Variants in ARHGAP4 observed in about 807,000 individuals in gnomAD.
The protein encoded by ARHGAP4 is rho GTPase-activating protein 4.
In ARHGAP4, 25 loss-of-function variants were observed where a neutral mutation model predicts 67.6. The observed-to-expected ratio is 0.37, with a 90% CI of 0.27 to 0.52. The LOEUF (loss-of-function observed/expected upper bound fraction) is 0.52, where lower values mean the gene tolerates loss of function less well. Ranked by LOEUF, ARHGAP4 falls within the 20% of genes least tolerant of loss-of-function variation. The pLI is 0.92. For synonymous variants in ARHGAP4, 448 were observed against 373.7 expected (o/e 1.20, Z -2.29); for missense variants, 804 against 854.6 (o/e 0.94, Z 0.74).
intron 1 of ARHGAP4, among the ~76,000 whole-genome samples, chrX:153,925,052 C>G (rs1399384270): frequency 9.0e-6 from 1 of 111,534 alleles, no homozygotes; most frequent in Non-Finnish European, 1.9e-5. Context: ...TATTTGCTGA[C>G]TGAAGTTTTC....
intron 7 of ARHGAP4, among the ~76,000 whole-genome samples, chrX:153,916,395 C>T (rs782016680): frequency 2.2e-4 from 25 of 113,313 alleles, no homozygotes; most frequent in African/African-American, 6.1e-4. Context: ...AGGCTCCCCA[C>T]GGAGCAGGGC....
At position 153,909,916 on chromosome X, in the gene ARHGAP4, C is replaced by T. The variant is rs1557102464; in HGVS notation, c.2239G>A (p.Gly747Arg). The T allele has an allele frequency of 4.1e-6, 5 of 1,207,067 alleles. No individual in the cohort carries two copies. The highest frequency in any genetic ancestry group is 4.5e-6 in the Non-Finnish European group (4 of 893,460). ...AAGCAGGCCACAGCCTCCACGACCC[C>T]CTCCAGGTCTGGGGAGGAGAGGGGG... is the stretch of plus-strand genomic sequence containing the variant. ...EMPAQEDDLE[G>R]VVEAVACFAY... Residue 747 changes from glycine (G) to arginine (R), a missense_variant, in exon 19 of 22, where the codon GGG (glycine) becomes AGG (arginine). Physicochemically the swap from Gly to Arg is moderately radical, Grantham distance 125. Transcript: ENST00000350060.
In ARHGAP4 at chrX:153,918,821, G is replaced by T. The variant is rs782112302; in HGVS notation, c.1032+11C>A. ...CAGAGAATGCCAAGCCCAGCAGGGG[G>T]TGACCCTCACCTCATCCCCATCATG... On this transcript the variant is annotated intron_variant, in intron 7 of 21. Coordinates refer to ENST00000350060, the MANE Select transcript of ARHGAP4 (RefSeq NM_001666.5). 2 of 1,207,034 alleles carry T rather than the reference G, an allele frequency of 1.7e-6. No individual in the cohort carries two copies. Among genetic ancestry groups the T allele is most frequent in the South Asian group, 3.5e-5 (2 of 56,827 alleles).
intron 12 of ARHGAP4, 46 bp from the exon 13 acceptor site, chrX:153,911,235 G>GAGCTC: frequency 1.6e-6 from 1 of 630,907 alleles, no homozygotes; most frequent in Non-Finnish European, 2.4e-6. Context: ...AGCATGCCCT[G>GAGCTC]TGTTGTCATT....
intron 21 of ARHGAP4, among the ~76,000 whole-genome samples, chrX:153,908,752 G>A (rs922584855): frequency 1.8e-5 from 2 of 112,016 alleles, no homozygotes; most frequent in South Asian, 7.4e-4. Flanking sequence ...CCTCTACCAG[G>A]TAAACAGCCT....
At chrX:153,919,310 G>C (rs1193172413) in intron 5 of ARHGAP4, 27 bp from the exon 6 acceptor site, 4 of 1,210,682 alleles carry the variant, frequency 3.3e-6, no homozygotes, top group Admixed American at 2.2e-5. Context: ...AAGCGTGCCA[G>C]GGTCACGCAC....
rs1557106251 is a variant in ARHGAP4, at chrX:153,926,143, T to C, written c.60A>G (p.Gln20=). ...CGCCCGGCGCCCTCTCACCTTTGAC[T>C]TGCGTCTCATACTCAGCCTGCAGCC... is the stretch of plus-strand genomic sequence containing the variant. ...ERGLQAEYET[Q]VKEMRWQLSE... is the part of the protein sequence containing the mutation. Residue 20 remains glutamine, a synonymous_variant, in exon 1 of 22, where the codon CAA becomes CAG. Coordinates refer to ENST00000350060, the MANE Select transcript of ARHGAP4 (RefSeq NM_001666.5). 8.3e-7 allele frequency: 1 copy of C among 1,203,566 alleles called. No individual in the cohort carries two copies. Among genetic ancestry groups the C allele is most frequent in the East Asian group, 3.0e-5 (1 of 33,231 alleles).
intron 7 of ARHGAP4, among the ~76,000 whole-genome samples, chrX:153,917,521 C>T (rs782045713): frequency 2.4e-4 from 27 of 112,000 alleles, no homozygotes; most frequent in African/African-American, 6.8e-4. Context: ...TTTGGGAGGC[C>T]GAGGCAGGCC....
At chrX:153,909,040 G>A in intron 21 of ARHGAP4, 30 bp downstream of exon 21, 1 of 1,185,677 alleles carries the variant, frequency 8.4e-7, no homozygotes, top group South Asian at 1.8e-5. Flanking sequence ...CAGGACAGAT[G>A]TCCCTCACCT....
chrX:153,911,844 A>G (rs2065023116), intron 12 of ARHGAP4, among the ~76,000 whole-genome samples: 1 of 110,550 alleles, frequency 9.0e-6, no homozygotes. Flanking sequence ...TGGGAGGTGA[A>G]GGTTGCAGGG....
At position 153,916,943 on chromosome X, in the gene ARHGAP4, C is replaced by T. The variant is rs2065059642; in HGVS notation, c.1032+1889G>A. Among the ~76,000 whole-genome samples, 4 of 110,921 alleles carry T rather than the reference C, an allele frequency of 3.6e-5. 1 individual carries two copies. In the South Asian group the frequency reaches 1.1e-3, roughly 31 times the overall value. On this transcript the variant is annotated intron_variant, in intron 7 of 21. Coordinates refer to ENST00000350060, the MANE Select transcript of ARHGAP4 (RefSeq NM_001666.5). ...AAAATAAAAATAAAAGGGTCGGGCA[C>T]GGTGGCCCACACCTGTAATCCCAGC...
Position 153,913,042 on chromosome X carries a change from T to C in ARHGAP4, c.1421A>G (p.Glu474Gly). The change falls in exon 11 of 22, where the codon GAG (glutamate) becomes GGG (glycine). Residue 474 changes from glutamate to glycine, a missense_variant. This residue lies in a region of ARHGAP4 where 404 missense variants were observed against 505.9 expected (regional missense o/e 0.80). Transcript: ENST00000350060. ...LQEALQRGDKEEQEVSWTQYT... is the reference protein window; with the variant it reads ...LQEALQRGDKGEQEVSWTQYT... ...GACTCACCAAGACACCTCCTGCTCCTCCTTGTCACCTGTGGGGTGGGAGAA... is the reference window on the plus strand; with the variant it reads ...GACTCACCAAGACACCTCCTGCTCCCCCTTGTCACCTGTGGGGTGGGAGAA... 8.4e-7 allele frequency: 1 copy of C among 1,193,692 alleles called. No homozygotes were observed. The highest frequency in any genetic ancestry group is 1.7e-5 in the African/African-American group (1 of 57,465).
intron 5 of ARHGAP4, among the ~76,000 whole-genome samples, chrX:153,920,248 G>A (rs2065083627): frequency 8.9e-6 from 1 of 112,590 alleles, no homozygotes; most frequent in East Asian, 2.8e-4. Flanking sequence ...CTCCATCCAG[G>A]CATTTCCCAG....
Position 153,920,688 on chromosome X carries a change from CACCAGCGGT to C in ARHGAP4, c.610_618del (p.Thr204_Gly206del). The C allele has an allele frequency of 8.3e-7, 1 of 1,211,787 alleles. No individual in the cohort carries two copies. The highest frequency in any genetic ancestry group is 1.1e-6 in the Non-Finnish European group (1 of 895,520). ...TTGCGGAGGGGCCCTGCCTCAGTGG[CACCAGCGGT>C]GGTGGTGGGGACACTCCGGCCTGCC... On this transcript the variant is annotated inframe_deletion, in exon 5 of 22. Transcript: ENST00000350060.
intron 12 of ARHGAP4, 66 bp from the exon 13 acceptor site, chrX:153,911,255 T>C (rs1557103245): frequency 8.3e-6 from 3 of 362,065 alleles, no homozygotes; most frequent in African/African-American, 6.4e-5. Context: ...TCAATTGCTT[T>C]TTTTTTTTTT....
chrX:153,909,651 A>G (rs2065001708), intron 19 of ARHGAP4, 90 bp downstream of exon 19: 1 of 1,063,815 alleles, frequency 9.4e-7, no homozygotes, highest in Non-Finnish European at 1.2e-6. Flanking sequence ...GGCCCAGCCC[A>G]GACCTTCAGA....
In ARHGAP4 at chrX:153,910,114, G is replaced by A. The variant is rs781838765; in HGVS notation, c.2157-29C>T. The stretch of plus-strand genomic sequence containing the variant: ...AGGTTCAGGGCAGAGCGAGGCAGAT[G>A]AGGGGGGCTCTTCTCCAGTGGACCC... On this transcript the variant is annotated intron_variant, in intron 17 of 21. Transcript: ENST00000350060. 2.4e-5 allele frequency: 29 copies of A among 1,209,228 alleles called. No individual in the cohort carries two copies. The Admixed American group carries it at 3.0e-4, about 13-fold the overall frequency.
intron 18 of ARHGAP4, 31 bp from the exon 19 acceptor site, chrX:153,909,955 A>G (rs1446682561): frequency 3.3e-6 from 3 of 897,081 alleles, no homozygotes; most frequent in Middle Eastern, 3.2e-4. Context: ...AAGCTGTGGG[A>G]GGGGGTGTGG....
In ARHGAP4 at chrX:153,922,155, TC is replaced by T. The variant is rs782045180; in HGVS notation, c.68-347del. 17 of 916,752 alleles carry T rather than the reference TC, an allele frequency of 1.9e-5. No individual in the cohort carries two copies. In the African/African-American group the frequency reaches 3.1e-4, roughly 17 times the overall value. 75.6% of individuals were successfully genotyped at this position (916,752 alleles called of 1,213,427 possible). On this transcript the variant is annotated intron_variant, in intron 1 of 21. Transcript: ENST00000350060. ...GTTTGGCTTCCTGTCTCTCCCTCGT[TC>T]CTGGAAAGCCTCTGAATGGTTTCCC...
Sources: gnomAD v4.1 joint callset for allele counts (sites outside exome capture counted in the v4.1 genomes callset) on GRCh38, gnomAD v4.1.1 for gene constraint, gnomAD v4.1.1 regional missense constraint, MANE v1.5 for transcripts, NCBI Gene and HGNC (gene_info 2026-07-23, HGNC 2026-07-21) for gene names.